PLAC1: variants seen among roughly 807,000 people sequenced by gnomAD.
The protein encoded by PLAC1 is placenta associated 1.
For synonymous variants in PLAC1, 68 were observed against 62.1 expected (o/e 1.09, Z -0.44); for missense variants, 136 against 163.2 (o/e 0.83, Z 0.91).
chrX:134,647,320 C>T (rs753289542), intron 1 of PLAC1, among the ~76,000 whole-genome samples: 1 of 111,546 alleles, frequency 9.0e-6, no homozygotes, highest in East Asian at 2.8e-4. Context: ...CTGCTCTGCT[C>T]TACTTTTGCT....
chrX:134,726,615 G>T (rs2078674982), intron 2 of PLAC1, among the ~76,000 whole-genome samples: 1 of 110,548 alleles, frequency 9.0e-6, no homozygotes, highest in South Asian at 3.9e-4. Context: ...ATGAGGTCAG[G>T]AGATCGAGAC....
intron 1 of PLAC1, among the ~76,000 whole-genome samples, chrX:134,621,369 C>T (rs111760871): frequency 0.039 from 4,015 of 103,165 alleles, 243 homozygotes; most frequent in African/African-American, 0.14. Context: ...TCGCTTGAAC[C>T]CGGGAGGTGG....
At position 134,614,777 on chromosome X, in the gene PLAC1, GAT is replaced by G. The variant is rs1243470359; in HGVS notation, c.-130-12657_-130-12656del. On this transcript the variant is annotated intron_variant, in intron 1 of 2. Transcript: ENST00000359237. ...CACCTCCTGAGTAGCTGGCACTACA[GAT>G]GTGCATTATCATGCCCAGCTAATTT... 3.6e-5 allele frequency among the ~76,000 whole-genome samples: 4 copies of G among 111,627 alleles called. No individual in the cohort carries two copies. The Admixed American group carries it at 3.8e-4, about 11-fold the overall frequency.
At chrX:134,680,545 G>GAACTGAACTAAACTAAACTA (rs761881945) in intron 2 of PLAC1, among the ~76,000 whole-genome samples, 51 of 49,706 alleles carry the variant, frequency 1.0e-3, no homozygotes, top group African/African-American at 2.5e-3. Context: ...AAACTAAACT[G>GAACTGAACTAAACTAAACTA]AACTAAACTA....
intron 2 of PLAC1, among the ~76,000 whole-genome samples, chrX:134,731,065 G>A (rs947489024): frequency 1.2e-4 from 13 of 111,636 alleles, no homozygotes; most frequent in African/African-American, 3.9e-4. Context: ...ATTTTCCCAC[G>A]TGAGGCTGAG....
chrX:134,753,566 C>T (rs986561965), intron 1 of PLAC1, among the ~76,000 whole-genome samples: 7 of 110,178 alleles, frequency 6.4e-5, no homozygotes, highest in African/African-American at 2.3e-4. Context: ...AGCACTATAA[C>T]TAATCTTAGG....
intron 2 of PLAC1, among the ~76,000 whole-genome samples, chrX:134,575,389 T>C (rs1458619538): frequency 9.1e-6 from 1 of 109,761 alleles, no homozygotes; most frequent in East Asian, 2.8e-4. Flanking sequence ...TGCGCACCTG[T>C]TGTCCCAGCT....
rs1222390458 is a variant in PLAC1 at position 134,569,788 on chromosome X, T to TTG, written c.-58-3050_-58-3049dup. ...TGTGTGTGTGTGTGTGTGTGTGTGT[T>TTG]TGTGTGTGTGTGTGTGTGTGTTGGG... On this transcript the variant is annotated intron_variant, in intron 2 of 2. Transcript: ENST00000359237. Among the ~76,000 whole-genome samples, 404 of 47,357 alleles carry TTG rather than the reference T, an allele frequency of 8.5e-3. 1 individual carries two copies. The highest frequency in any genetic ancestry group is 8.4e-3 in the Non-Finnish European group (210 of 25,015). The allele number at this position is 47,357 out of a possible 115,157, so 41.1% of individuals were successfully genotyped here. A position where few individuals can be genotyped will look rare whatever the true frequency, so the allele number is the denominator to read the frequency against.
chrX:134,695,841 T>C, intron 2 of PLAC1, among the ~76,000 whole-genome samples: 1 of 111,520 alleles, frequency 9.0e-6, no homozygotes, highest in Non-Finnish European at 1.9e-5. Flanking sequence ...TAACCTTGAC[T>C]TAATCAGTTA....
rs746553260 is a variant in PLAC1, at chrX:134,585,365, A to T, written c.-59+16686T>A. Among the ~76,000 whole-genome samples the T allele has an allele frequency of 1.2e-4, 13 of 108,226 alleles. No individual in the cohort carries two copies. The South Asian group carries it at 1.2e-3, about 10-fold the overall frequency. The allele number at this position is 108,226 out of a possible 115,157, so 94.0% of individuals were successfully genotyped here. On this transcript the variant is annotated intron_variant, in intron 2 of 2. Transcript: ENST00000359237. ...CTGTCTCAAAAAACTTTTTTTTTTT[A>T]AAAAGAGAACCATTAAGCCAGATCT...
At chrX:134,739,232 A>T (rs2078711078) in intron 1 of PLAC1, among the ~76,000 whole-genome samples, 1 of 112,424 alleles carries the variant, frequency 8.9e-6, no homozygotes, top group Admixed American at 9.4e-5. Context: ...AAATGGTTTT[A>T]AAAAAATAAC....
chrX:134,758,087 C>T (rs2078761296), intron 1 of PLAC1, among the ~76,000 whole-genome samples: 1 of 109,721 alleles, frequency 9.1e-6, no homozygotes, highest in Non-Finnish European at 1.9e-5. Context: ...GGAATAACTT[C>T]AAACAAGGAG....
intron 1 of PLAC1, among the ~76,000 whole-genome samples, chrX:134,628,898 T>C (rs934325723): frequency 1.8e-5 from 2 of 111,511 alleles, no homozygotes; most frequent in Non-Finnish European, 3.8e-5. Flanking sequence ...GATGGAGTAC[T>C]GATGGCAGAC....
At chrX:134,676,892 C>T (rs1277823840) in intron 2 of PLAC1, among the ~76,000 whole-genome samples, 2 of 111,998 alleles carry the variant, frequency 1.8e-5, no homozygotes, top group East Asian at 5.5e-4. Flanking sequence ...GCCTGGGTGG[C>T]CTTGGGCAAA....
chrX:134,579,589 CT>C (rs1415498961), intron 2 of PLAC1, among the ~76,000 whole-genome samples: 1 of 111,244 alleles, frequency 9.0e-6, no homozygotes, highest in African/African-American at 3.3e-5. Flanking sequence ...CTCGGGGAAG[CT>C]GAGAGAAGCT....
chrX:134,748,817 G>A (rs2078734856), intron 1 of PLAC1, among the ~76,000 whole-genome samples: 2 of 111,914 alleles, frequency 1.8e-5, no homozygotes, highest in African/African-American at 6.5e-5. Context: ...TCTAACATCT[G>A]TTTTATTTCT....
rs748886436 is a variant in PLAC1, at chrX:134,566,476, G to A, written c.207C>T (p.His69=). 1.5e-4 allele frequency: 186 copies of A among 1,209,991 alleles called. 1 individual carries two copies. In the East Asian group the frequency reaches 2.7e-3, roughly 18 times the overall value. ...TAACACGGTAGGTGAACTGGTAGGCGTGTGGCTGAACATGGTTTGGGGGGC... is the reference window on the plus strand; with the variant it reads ...TAACACGGTAGGTGAACTGGTAGGCATGTGGCTGAACATGGTTTGGGGGGC... ...LGCPPNHVQP[H]AYQFTYRVTE... is the part of the protein sequence containing the mutation. Residue 69 remains histidine, a synonymous_variant, in exon 3 of 3, where the codon CAC becomes CAT. Transcript: ENST00000359237.
At chrX:134,666,785 G>A (rs1023721036) in intron 2 of PLAC1, among the ~76,000 whole-genome samples, 2 of 111,758 alleles carry the variant, frequency 1.8e-5, no homozygotes, top group African/African-American at 6.5e-5. Flanking sequence ...GCTTCTGGGT[G>A]TGCTAGGCTG....
intron 2 of PLAC1, among the ~76,000 whole-genome samples, chrX:134,719,501 C>T (rs746868024): frequency 1.8e-5 from 2 of 111,544 alleles, no homozygotes; most frequent in Admixed American, 9.5e-5. Context: ...GTAGGCCAGG[C>T]GAGGTGTAAT....
Sources: allele counts gnomAD v4.1 joint callset (sites outside exome capture counted in the v4.1 genomes callset), GRCh38; gene constraint gnomAD v4.1.1; transcripts MANE v1.5; gene names NCBI Gene and HGNC (gene_info 2026-07-23, HGNC 2026-07-21).